Variants in IQCK observed in about 807,000 individuals in gnomAD.
IQCK encodes IQ motif containing K.
Under a neutral mutation model 28.1 loss-of-function variants are expected in IQCK, and 29 were observed. The ratio of observed to expected loss-of-function variants is 1.03; its 90% CI spans 0.77 to 1.41. The LOEUF (loss-of-function observed/expected upper bound fraction) is 1.41, where lower values mean the gene tolerates loss of function less well. Among genes scored for constraint, IQCK ranks in the 40% most tolerant of loss-of-function variants. The probability of loss-of-function intolerance (pLI) is 0.00; values close to 1 mark genes in which losing one functional copy is unlikely to be tolerated. For missense variants in IQCK, 359 were observed against 314.7 expected, an observed-to-expected ratio of 1.14 and a Z score of -1.07; for synonymous variants, 113 against 115.1, an observed-to-expected ratio of 0.98 and a Z score of 0.12.
chr16:19,856,273 G>A (rs996116554), intron 9 of IQCK, among the ~76,000 whole-genome samples: 3 of 152,186 alleles, frequency 2.0e-5, no homozygotes, highest in African/African-American at 4.8e-5. Context: ...TGAACAGTCC[G>A]GGAAGTGGTT....
intron 4 of IQCK, among the ~76,000 whole-genome samples, chr16:19,743,360 G>A (rs1032296928): frequency 1.6e-4 from 25 of 152,166 alleles, no homozygotes; most frequent in African/African-American, 5.1e-4. Context: ...TGGGGAGACC[G>A]CCTAAGTCTG....
At chr16:19,808,673 C>T (rs1409148904) in intron 7 of IQCK, among the ~76,000 whole-genome samples, 2 of 152,132 alleles carry the variant, frequency 1.3e-5, no homozygotes, top group Non-Finnish European at 2.9e-5. Context: ...AATGAAAATG[C>T]GGGGCTCCTT....
chr16:19,770,753 G>C (rs143733096), intron 6 of IQCK, among the ~76,000 whole-genome samples: 3,501 of 152,272 alleles, frequency 0.023, 59 homozygotes, highest in Non-Finnish European at 0.035. Flanking sequence ...CTCCCAAGTA[G>C]CTGGGATTAC....
intron 4 of IQCK, chr16:19,761,031 G>A: frequency 5.5e-6 from 1 of 180,516 alleles, no homozygotes; most frequent in Admixed American, 5.5e-5. Context: ...CTTGGTTTTG[G>A]TGCGCTTTGA....
At chr16:19,798,421 A>AAT (rs59816251) in intron 7 of IQCK, among the ~76,000 whole-genome samples, 4,296 of 115,376 alleles carry the variant, frequency 0.037, 192 homozygotes, top group Middle Eastern at 0.073. Context: ...CATCACAAAA[A>AAT]ATATATATAT....
At chr16:19,733,196 G>A (rs1977897251) in intron 2 of IQCK, among the ~76,000 whole-genome samples, 1 of 151,808 alleles carries the variant, frequency 6.6e-6, no homozygotes, top group Non-Finnish European at 1.5e-5. Flanking sequence ...AGAGTGCAAT[G>A]GTGTGATCTC....
chr16:19,770,155 T>A (rs541261716), intron 6 of IQCK, among the ~76,000 whole-genome samples: 2 of 152,314 alleles, frequency 1.3e-5, no homozygotes, highest in African/African-American at 4.8e-5. Flanking sequence ...ATTGAATGTA[T>A]GGATTAAGTC....
chr16:19,819,262 GCT>G (rs2056031820), intron 7 of IQCK, among the ~76,000 whole-genome samples: 2 of 152,132 alleles, frequency 1.3e-5, no homozygotes, highest in South Asian at 4.1e-4. Flanking sequence ...AGAGGCTGAG[GCT>G]GGCAGATCAC....
rs567620136 is a variant in IQCK, at chr16:19,856,382, T to C, written c.803-105T>C. 1.1e-5 allele frequency: 9 copies of C among 846,474 alleles called. No individual in the cohort carries two copies. The South Asian group carries it at 1.3e-4, about 12-fold the overall frequency. The allele number at this position is 846,474 out of a possible 1,614,324, so 52.4% of individuals were successfully genotyped here. ...ATGAATAGCAGGCGCACAGTGGGTTTTGGTGCAACTGACCTTGTCCACACA... is the reference window on the plus strand; with the variant it reads ...ATGAATAGCAGGCGCACAGTGGGTTCTGGTGCAACTGACCTTGTCCACACA... On this transcript the variant is annotated intron_variant, in intron 9 of 9. Transcript: ENST00000320394.
chr16:19,747,328 G>A (rs62024971), intron 4 of IQCK, among the ~76,000 whole-genome samples: 7,099 of 152,018 alleles, frequency 0.047, 364 homozygotes, highest in South Asian at 0.19. Flanking sequence ...TTAACCCTAG[G>A]TTGTTCATAG....
At chr16:19,729,697 T>C (rs1977768855) in intron 1 of IQCK, among the ~76,000 whole-genome samples, 2 of 151,972 alleles carry the variant, frequency 1.3e-5, no homozygotes, top group African/African-American at 2.4e-5. Context: ...CAGGCTGGAG[T>C]GCAGTGGCGC....
intron 1 of IQCK, among the ~76,000 whole-genome samples, chr16:19,730,072 C>T (rs959942420): frequency 2.0e-5 from 3 of 152,136 alleles, no homozygotes; most frequent in Non-Finnish European, 1.5e-5. Context: ...TCTCCTGCCT[C>T]AGCCTCCCAA....
At chr16:19,729,573 G>A (rs370822773) in intron 1 of IQCK, among the ~76,000 whole-genome samples, 13 of 151,926 alleles carry the variant, frequency 8.6e-5, no homozygotes, top group South Asian at 8.3e-4. Context: ...TAGATAAAGC[G>A]TCGACTCTTT....
At chr16:19,812,210 C>G (rs931630059) in intron 7 of IQCK, among the ~76,000 whole-genome samples, 5 of 152,158 alleles carry the variant, frequency 3.3e-5, no homozygotes, top group Non-Finnish European at 5.9e-5. Context: ...TGGTCTTGAA[C>G]TGCTGACCTC....
At chr16:19,772,518 T>C (rs2055333350) in intron 6 of IQCK, among the ~76,000 whole-genome samples, 1 of 152,172 alleles carries the variant, frequency 6.6e-6, no homozygotes, top group Admixed American at 6.6e-5. Flanking sequence ...AAGTTATTAC[T>C]TTTCAGAGAA....
At position 19,825,724 on chromosome 16, in the gene IQCK, C is replaced by T. The variant is rs2056140332; in HGVS notation, c.691-1302C>T. The stretch of plus-strand genomic sequence containing the variant: ...AAACCATGCCTGGGAGATAAATGCT[C>T]AATAAATATGAGCTATAATAAAAAT... On this transcript the variant is annotated intron_variant, in intron 7 of 7. Coordinates refer to ENST00000564186, the Ensembl canonical transcript of IQCK. The surrounding 1 kb of genome is among the most constrained non-coding windows in gnomAD (Gnocchi z 4.2). Among the ~76,000 whole-genome samples, 1 of 152,086 alleles carries T rather than the reference C, an allele frequency of 6.6e-6. No homozygotes were observed. Among genetic ancestry groups the T allele is most frequent in the South Asian group, 2.1e-4 (1 of 4,814 alleles).
chr16:19,739,771 C>T (rs748976255), intron 4 of IQCK, among the ~76,000 whole-genome samples: 6 of 152,038 alleles, frequency 3.9e-5, no homozygotes, highest in Admixed American at 6.5e-5. Flanking sequence ...ACCATGATGG[C>T]GCCACTGCAC....
At chr16:19,739,183 A>G (rs1216753022) in intron 4 of IQCK, among the ~76,000 whole-genome samples, 1 of 152,164 alleles carries the variant, frequency 6.6e-6, no homozygotes, top group Non-Finnish European at 1.5e-5. Flanking sequence ...TCTCACCCCA[A>G]CAAAGACACA....
intron 9 of IQCK, among the ~76,000 whole-genome samples, chr16:19,838,193 G>A (rs991830235): frequency 1.1e-4 from 16 of 152,218 alleles, no homozygotes; most frequent in African/African-American, 2.9e-4. Flanking sequence ...TGGTCTCAAC[G>A]TTGAAGGCAA....
Sources: allele counts gnomAD v4.1 joint callset (sites outside exome capture counted in the v4.1 genomes callset), GRCh38; gene constraint gnomAD v4.1.1; non-coding constraint Gnocchi (gnomAD v3.1); transcripts MANE v1.5; gene names NCBI Gene and HGNC (gene_info 2026-07-23, HGNC 2026-07-21).